USP6: variants seen among roughly 807,000 people sequenced by gnomAD.
USP6 encodes ubiquitin carboxyl-terminal hydrolase 6.
USP6 carries 128 observed loss-of-function variants against 175.7 expected under a neutral mutation model. That is an observed-to-expected ratio of 0.73 (90% confidence interval 0.63 to 0.84). The LOEUF is 0.84. Among genes scored for constraint, USP6 ranks in the 40% least tolerant of loss-of-function variants. USP6 has a pLI of 0.00. For missense variants in USP6, 1,498 were observed against 1,760.3 expected, an observed-to-expected ratio of 0.85 and a Z score of 2.67; for synonymous variants, 562 against 630.6, an observed-to-expected ratio of 0.89 and a Z score of 1.63.
intron 30 of USP6, among the ~76,000 whole-genome samples, chr17:5,149,661 G>T (rs28690553): frequency 6.6e-6 from 1 of 151,908 alleles, no homozygotes; most frequent in Non-Finnish European, 1.5e-5. Flanking sequence ...ACATAAACGC[G>T]GATGGCTTTG....
chr17:5,166,751 A>G (rs1052807183), intron 33 of USP6, among the ~76,000 whole-genome samples: 1 of 152,030 alleles, frequency 6.6e-6, no homozygotes, highest in Non-Finnish European at 1.5e-5. Context: ...TTTGTCAGGT[A>G]GCAGCCAGGC....
Position 5,133,428 on chromosome 17 carries a change from C to T in USP6, c.277-15C>T. ...ACCCCATGGCCTGTGACACCAGATT[C>T]TTTTCTGCCCACAGCTCATAGATCG... On this transcript the variant is annotated splice_polypyrimidine_tract_variant and intron_variant, in intron 13 of 37. Transcript: ENST00000574788. The T allele has an allele frequency of 2.5e-6, 4 of 1,606,228 alleles. No individual in the cohort carries two copies. The South Asian group carries it at 4.4e-5, about 18-fold the overall frequency.
intron 11 of USP6, among the ~76,000 whole-genome samples, chr17:5,131,147 C>A (rs1357234739): frequency 6.6e-6 from 1 of 152,034 alleles, no homozygotes; most frequent in Non-Finnish European, 1.5e-5. Flanking sequence ...CCCTCACTGT[C>A]CCCATGGGGA....
chr17:5,170,734 C>G lies in USP6; in HGVS notation c.3773C>G (p.Thr1258Ser), dbSNP rs779198294. Reference sequence around the variant, plus strand: ...GGGGGCAGCCAACCAGAGCTGGTCACTCCTCAGGACCATGAGGTAGCTTTG... The same window carrying G: ...GGGGGCAGCCAACCAGAGCTGGTCAGTCCTCAGGACCATGAGGTAGCTTTG... Reference protein sequence around the residue: ...MRGGSQPELVTPQDHEVALAN... With the variant: ...MRGGSQPELVSPQDHEVALAN... Residue 1258 changes from threonine to serine, a missense_variant, in exon 36 of 38, where the codon ACT (threonine) becomes AGT (serine). Coordinates refer to ENST00000574788, the MANE Select transcript of USP6 (RefSeq NM_001304284.2). The G allele has an allele frequency of 1.2e-6, 2 of 1,613,984 alleles. No individual in the cohort carries two copies. The highest frequency in any genetic ancestry group is 1.7e-5 in the Admixed American group (1 of 60,022).
At position 5,170,614 on chromosome 17, in the gene USP6, C is replaced by T. The variant is rs2307135; in HGVS notation, c.3653C>T (p.Pro1218Leu). 17 of 1,613,332 alleles carry T rather than the reference C, an allele frequency of 1.1e-5. No homozygotes were observed. The highest frequency in any genetic ancestry group is 4.0e-5 in the African/African-American group (3 of 74,894). The change falls in exon 36 of 38, where the codon CCG becomes CTG. Residue 1218 changes from proline (P) to leucine (L), a missense_variant. Physicochemically the swap from Pro to Leu is moderately conservative, Grantham distance 98 (BLOSUM62 -3). Transcript: ENST00000574788. ...CCCCAGATTGGCAGCAAAAATAAGC[C>T]GTCAAGTAGTAAGAAGAACTTGGAT... ...RLPQIGSKNK[P>L]SSSKKNLDAS...
rs770790450 is a variant in USP6, at chr17:5,137,675, C to T, written c.850C>T (p.Leu284=). The T allele has an allele frequency of 2.5e-6, 4 of 1,607,318 alleles. No homozygotes were observed. Among genetic ancestry groups the T allele is most frequent in the Non-Finnish European group, 2.6e-6 (3 of 1,175,452 alleles). Residue 284 remains leucine, a synonymous_variant, in exon 20 of 38, where the codon CTG becomes TTG. Transcript: ENST00000574788. ...DGISLGLTLR[L]WDVYLVEGEQ... is the part of the protein sequence containing the mutation. ...GATCTCTCTCGGGCTCACCCTGCGC[C>T]TGTGGGACGTGTATTTGGTGGAAGG...
intron 4 of USP6, among the ~76,000 whole-genome samples, 155 bp downstream of exon 4, chr17:5,121,905 T>C (rs754120944): frequency 6.6e-6 from 1 of 152,150 alleles, no homozygotes; most frequent in Non-Finnish European, 1.5e-5. Context: ...GGCTGGAGTC[T>C]GATTGAGGAG....
chr17:5,135,325 A>T, intron 16 of USP6, 43 bp downstream of exon 16: 7 of 1,606,860 alleles, frequency 4.4e-6, no homozygotes, highest in Non-Finnish European at 6.0e-6. Flanking sequence ...GTATTTCCAT[A>T]TTCACAGGAG....
chr17:5,125,137 G>A lies in USP6; in HGVS notation c.-727G>A, dbSNP rs1176896210. On this transcript the variant is annotated 5_prime_UTR_variant, in exon 5 of 38. Transcript: ENST00000574788. ...AAGCATGAACCCTACTGTGAACTGC[G>A]CATGCCAGGGATCTAGATTGCGTGC... is the stretch of plus-strand genomic sequence containing the variant. 1 of 152,326 alleles carries A rather than the reference G, an allele frequency of 6.6e-6. No individual in the cohort carries two copies. Among genetic ancestry groups the A allele is most frequent in the Non-Finnish European group, 1.5e-5 (1 of 68,164 alleles). 9.4% of individuals were successfully genotyped at this position (152,326 alleles called of 1,614,324 possible). A position where few individuals can be genotyped will look rare whatever the true frequency, so the allele number is the denominator to read the frequency against.
At chr17:5,156,889 C>A (rs1395541515) in intron 31 of USP6, among the ~76,000 whole-genome samples, 1 of 151,600 alleles carries the variant, frequency 6.6e-6, no homozygotes, top group African/African-American at 2.4e-5. Flanking sequence ...GCAACCACAC[C>A]CAGCTAATTT....
intron 29 of USP6, among the ~76,000 whole-genome samples, chr17:5,147,439 C>T (rs775264543): frequency 6.6e-6 from 1 of 152,104 alleles, no homozygotes; most frequent in Non-Finnish European, 1.5e-5. Context: ...TCTCTTTGAA[C>T]ATTTATCTAA....
intron 5 of USP6, 97 bp from the exon 6 acceptor site, chr17:5,125,704 ACACACACACACACACACACT>A (rs1433626459): frequency 6.6e-6 from 1 of 151,980 alleles, no homozygotes; most frequent in Non-Finnish European, 1.5e-5. Flanking sequence ...ACACACACAC[ACACACACACACACACACACT>A]GTGTTTCATG....
Position 5,161,559 on chromosome 17 carries a change from A to G in USP6, c.2860A>G (p.Thr954Ala). Residue 954 changes from threonine to alanine, a missense_variant, in exon 32 of 38, where the codon ACT becomes GCT. By Grantham distance (58) the Thr-to-Ala change is moderately conservative (BLOSUM62 0). Coordinates refer to ENST00000574788, the MANE Select transcript of USP6 (RefSeq NM_001304284.2). ...DNCMGYQYPF[T>A]LRVVQKDGNS... ...CTGTATGGGCTATCAATATCCATTC[A>G]CTCTACGAGTTGTGCAGAAAGATGG... The G allele has an allele frequency of 1.2e-6, 2 of 1,613,902 alleles. No individual in the cohort carries two copies. The highest frequency in any genetic ancestry group is 1.7e-6 in the Non-Finnish European group (2 of 1,179,896).
chr17:5,125,119 A>T lies in USP6; in HGVS notation c.-745A>T, dbSNP rs1447276661. ...GCCGTTAGATTCTCACAGAAGCATG[A>T]ACCCTACTGTGAACTGCGCATGCCA... On this transcript the variant is annotated 5_prime_UTR_variant, in exon 5 of 38. Transcript: ENST00000574788. 6.6e-6 allele frequency: 1 copy of T among 152,186 alleles called. No individual in the cohort carries two copies. Among genetic ancestry groups the T allele is most frequent in the South Asian group, 2.1e-4 (1 of 4,824 alleles). 9.4% of individuals were successfully genotyped at this position (152,186 alleles called of 1,614,324 possible). A position where few individuals can be genotyped will look rare whatever the true frequency, so the allele number is the denominator to read the frequency against.
At chr17:5,126,502 A>G (rs1018789122) in intron 6 of USP6, among the ~76,000 whole-genome samples, 1 of 152,082 alleles carries the variant, frequency 6.6e-6, no homozygotes, top group Non-Finnish European at 1.5e-5. Flanking sequence ...ACGGTGACCT[A>G]CAGTTTTCAC....
chr17:5,162,706 GATA>G (rs1204103940), intron 32 of USP6, among the ~76,000 whole-genome samples, 175 bp from the exon 33 acceptor site: 18 of 152,184 alleles, frequency 1.2e-4, no homozygotes, highest in Non-Finnish European at 2.4e-4. Flanking sequence ...TCCCTGAAAT[GATA>G]ATAATTATTA....
chr17:5,117,272 C>T (rs1470693857), intron 1 of USP6, among the ~76,000 whole-genome samples: 3 of 152,182 alleles, frequency 2.0e-5, no homozygotes, highest in Non-Finnish European at 4.4e-5. Context: ...AATCCCAGCA[C>T]TTTGGGAGGC....
intron 17 of USP6, 95 bp from the exon 18 acceptor site, chr17:5,136,545 G>A: frequency 6.7e-7 from 1 of 1,485,476 alleles, no homozygotes; most frequent in Non-Finnish European, 9.3e-7. Context: ...AGGCCTTGGG[G>A]TTTGGGGGCC....
At chr17:5,137,487 A>T (rs1431376178) in intron 19 of USP6, among the ~76,000 whole-genome samples, 164 bp from the exon 20 acceptor site, 5 of 152,136 alleles carry the variant, frequency 3.3e-5, no homozygotes, top group African/African-American at 1.2e-4. Context: ...GTACCCCCCC[A>T]TGAGAAGTTG....
Sources: gnomAD v4.1 joint callset for allele counts (sites outside exome capture counted in the v4.1 genomes callset) on GRCh38, gnomAD v4.1.1 for gene constraint, MANE v1.5 for transcripts, NCBI Gene and HGNC (gene_info 2026-07-23, HGNC 2026-07-21) for gene names.